Variants in JMY observed in about 807,000 individuals in gnomAD.
The protein encoded by JMY is junction-mediating and -regulatory protein.
JMY carries 46 observed loss-of-function variants against 103.3 expected under a neutral mutation model. The observed-to-expected ratio is 0.45, with a 90% CI of 0.35 to 0.57. JMY has a LOEUF of 0.57. JMY is among the 20% of genes least tolerant of loss of function. JMY has a pLI of 0.00. For missense variants in JMY, 1,238 were observed against 1,255.2 expected, an observed-to-expected ratio of 0.99 and a Z score of 0.21; for synonymous variants, 526 against 489.3, an observed-to-expected ratio of 1.07 and a Z score of -0.99.
At chr5:79,265,133 C>A (rs1379539677) in intron 1 of JMY, among the ~76,000 whole-genome samples, 7 of 152,118 alleles carry the variant, frequency 4.6e-5, no homozygotes, top group Non-Finnish European at 8.8e-5. Context: ...ACCTTGTTAG[C>A]CAGGATGGTC....
chr5:79,244,984 A>G (rs964306482), intron 1 of JMY, among the ~76,000 whole-genome samples: 6 of 152,130 alleles, frequency 3.9e-5, no homozygotes, highest in African/African-American at 1.4e-4. Flanking sequence ...AAAAGGCCAG[A>G]AAATTTGGAG....
intron 2 of JMY, among the ~76,000 whole-genome samples, chr5:79,280,115 A>G (rs1197247592): frequency 6.6e-6 from 1 of 152,158 alleles, no homozygotes; most frequent in Non-Finnish European, 1.5e-5. Flanking sequence ...AAGTGCTGGG[A>G]TTATAGGCAT....
At chr5:79,289,241 A>T (rs1189103348) in intron 2 of JMY, among the ~76,000 whole-genome samples, 1 of 151,802 alleles carries the variant, frequency 6.6e-6, no homozygotes, top group Non-Finnish European at 1.5e-5. Context: ...TCTCAAAAAA[A>T]AAAAAAAAAA....
At chr5:79,261,125 TTTGGTTCCTA>T (rs576270826) in intron 1 of JMY, among the ~76,000 whole-genome samples, 1 of 152,288 alleles carries the variant, frequency 6.6e-6, no homozygotes, top group Admixed American at 6.5e-5. Context: ...ACCTGTCCCT[TTTGGTTCCTA>T]AATAAGATGG....
At chr5:79,311,371 A>T (rs1023207703) in intron 7 of JMY, among the ~76,000 whole-genome samples, 1 of 152,126 alleles carries the variant, frequency 6.6e-6, no homozygotes. Context: ...CAATCACCCA[A>T]TGCAAATGCA....
In JMY at chr5:79,237,601, G is replaced by A. The variant is rs1279589040; in HGVS notation, c.951G>A (p.Glu317=). The A allele has an allele frequency of 3.7e-6, 6 of 1,613,802 alleles. No homozygotes were observed. Among genetic ancestry groups the A allele is most frequent in the Non-Finnish European group, 5.1e-6 (6 of 1,180,016 alleles). ...QVLFTETDDP[E]EYYESLSELR... Reference sequence around the variant, plus strand: ...TCTTCACCGAGACCGATGATCCCGAGGAGTATTACGAAAGCCTCAGCGAGC... The same window carrying A: ...TCTTCACCGAGACCGATGATCCCGAAGAGTATTACGAAAGCCTCAGCGAGC... The change falls in exon 1 of 11, where the codon GAG becomes GAA. Residue 317 remains glutamate (E), a synonymous_variant. Transcript: ENST00000396137.
intron 1 of JMY, among the ~76,000 whole-genome samples, chr5:79,250,032 G>A (rs7720051): frequency 0.021 from 3,134 of 152,262 alleles, 131 homozygotes; most frequent in African/African-American, 0.071. Context: ...GAAGTGCCTA[G>A]CGTGGTATCT....
intron 1 of JMY, among the ~76,000 whole-genome samples, chr5:79,241,525 G>A (rs1319648596): frequency 1.3e-5 from 2 of 152,112 alleles, no homozygotes; most frequent in African/African-American, 4.8e-5. Context: ...AAATTCCTCA[G>A]TAAGAGGTTT....
chr5:79,311,474 G>T (rs543564650), intron 7 of JMY, among the ~76,000 whole-genome samples: 22 of 152,284 alleles, frequency 1.4e-4, no homozygotes, highest in African/African-American at 5.1e-4. Context: ...GGTTGGATCT[G>T]AAAAGGACAG....
At position 79,327,133 on chromosome 5, in the gene JMY, G is replaced by C. The variant is rs543383579; in HGVS notation, c.*5531G>C. The C allele has an allele frequency of 7.9e-5, 12 of 152,250 alleles. No individual in the cohort carries two copies. In the South Asian group the frequency reaches 2.5e-3, roughly 32 times the overall value. 9.4% of individuals were successfully genotyped at this position (152,250 alleles called of 1,614,324 possible). A position where few individuals can be genotyped will look rare whatever the true frequency, so the allele number is the denominator to read the frequency against. ...CAATCACCTTTCTCTTGTTGTACAT[G>C]CAATGTAACAACCTACAGTTTTGGT... On this transcript the variant is annotated 3_prime_UTR_variant, in exon 11 of 11. Transcript: ENST00000396137.
intron 10 of JMY, among the ~76,000 whole-genome samples, chr5:79,321,115 T>C (rs1747434789): frequency 6.6e-6 from 1 of 152,258 alleles, no homozygotes; most frequent in African/African-American, 2.4e-5. Flanking sequence ...CATGTTCCTG[T>C]CAGCTTTTAT....
In JMY at chr5:79,325,867, C is replaced by G. The variant is rs1168139934; in HGVS notation, c.*4265C>G. On this transcript the variant is annotated 3_prime_UTR_variant, in exon 11 of 11. Transcript: ENST00000396137. ...AGGGTTTGGAAAGGCGGGAGGGAGT[C>G]TAGATTCGGCGAGAGTGTGCGTTTG... The G allele has an allele frequency of 1.3e-5, 2 of 152,058 alleles. No individual in the cohort carries two copies. Among genetic ancestry groups the G allele is most frequent in the Admixed American group, 1.3e-4 (2 of 15,250 alleles). 9.4% of individuals were successfully genotyped at this position (152,058 alleles called of 1,614,324 possible).
intron 1 of JMY, among the ~76,000 whole-genome samples, chr5:79,257,718 C>T (rs1745290017): frequency 6.6e-6 from 1 of 152,164 alleles, no homozygotes; most frequent in African/African-American, 2.4e-5. Flanking sequence ...ACGGACCCCT[C>T]ATGCCCCTTA....
At chr5:79,241,429 TAA>T (rs1455091230) in intron 1 of JMY, among the ~76,000 whole-genome samples, 1 of 152,248 alleles carries the variant, frequency 6.6e-6, no homozygotes, top group Non-Finnish European at 1.5e-5. Flanking sequence ...TATAAATTGA[TAA>T]GTGTAAATTC....
intron 1 of JMY, among the ~76,000 whole-genome samples, chr5:79,241,054 A>G (rs1443149188): frequency 6.6e-6 from 1 of 152,114 alleles, no homozygotes; most frequent in Non-Finnish European, 1.5e-5. Flanking sequence ...TTTAATTTCT[A>G]TGAATCTATT....
At chr5:79,305,199 C>T (rs1267421740) in intron 6 of JMY, among the ~76,000 whole-genome samples, 1 of 152,116 alleles carries the variant, frequency 6.6e-6, no homozygotes, top group Non-Finnish European at 1.5e-5. Context: ...CACCTGTAAT[C>T]CCAGCACTTT....
At chr5:79,260,300 C>G (rs1274443269) in intron 1 of JMY, among the ~76,000 whole-genome samples, 4 of 152,184 alleles carry the variant, frequency 2.6e-5, no homozygotes, top group Non-Finnish European at 5.9e-5. Flanking sequence ...AGTCAGGTGC[C>G]TCCAGGACAT....
intron 1 of JMY, among the ~76,000 whole-genome samples, chr5:79,238,165 T>C (rs1034712840): frequency 6.6e-6 from 1 of 152,200 alleles, no homozygotes; most frequent in African/African-American, 2.4e-5. Context: ...AAATTCATTT[T>C]TAAACGAGTG....
chr5:79,280,660 G>A lies in JMY; in HGVS notation c.1206+2577G>A, dbSNP rs548624461. ...ACTCATACATTACATTAGATTGAGT[G>A]TGTTGTATTGCTTTAAAAAGATCCG... On this transcript the variant is annotated intron_variant, in intron 2 of 10. Coordinates refer to ENST00000396137, the MANE Select transcript of JMY (RefSeq NM_152405.5). Among the ~76,000 whole-genome samples, 11 of 152,270 alleles carry A rather than the reference G, an allele frequency of 7.2e-5. No homozygotes were observed. The South Asian group carries it at 2.1e-3, about 29-fold the overall frequency.
Sources: gnomAD v4.1 joint callset for allele counts (sites outside exome capture counted in the v4.1 genomes callset) on GRCh38, gnomAD v4.1.1 for gene constraint, MANE v1.5 for transcripts, NCBI Gene and HGNC (gene_info 2026-07-23, HGNC 2026-07-21) for gene names.